SLC22A7: variants seen among roughly 807,000 people sequenced by gnomAD.
The protein encoded by SLC22A7 is solute carrier family 22 member 7.
SLC22A7 carries 48 observed loss-of-function variants against 62.2 expected under a neutral mutation model. That is an observed-to-expected ratio of 0.77 (90% CI 0.61 to 0.98). SLC22A7 has a LOEUF of 0.98. SLC22A7 is among the 50% of genes least tolerant of loss of function. SLC22A7 has a pLI of 0.00. For synonymous variants in SLC22A7, 276 were observed against 314.8 expected, an observed-to-expected ratio of 0.88 and a Z score of 1.30; for missense variants, 581 against 703.8, an observed-to-expected ratio of 0.83 and a Z score of 1.97.
Position 43,304,206 on chromosome 6 carries a change from A to C in SLC22A7, c.1554A>C (p.Ala518=), listed in dbSNP as rs1778861250. The change falls in exon 10 of 11, where the codon GCA becomes GCC. Residue 518 remains alanine (A), a synonymous_variant. Coordinates refer to ENST00000372585, the MANE Select transcript of SLC22A7 (RefSeq NM_153320.2). ...TCCTGCTGCCAGAGACGAGGCAGGCACAGCTGCCAGAGACCATCCAGGACG... is the reference window on the plus strand; with the variant it reads ...TCCTGCTGCCAGAGACGAGGCAGGCCCAGCTGCCAGAGACCATCCAGGACG... The part of the protein sequence containing the change: ...TALLLPETRQ[A]QLPETIQDVE... The C allele has an allele frequency of 6.3e-7, 1 of 1,586,818 alleles. No homozygotes were observed. Among genetic ancestry groups the C allele is most frequent in the Non-Finnish European group, 8.6e-7 (1 of 1,164,764 alleles).
At chr6:43,301,470 C>A in intron 6 of SLC22A7, 113 bp from the exon 7 acceptor site, 1 of 1,043,100 alleles carries the variant, frequency 9.6e-7, no homozygotes, top group South Asian at 1.5e-5. Context: ...TGAGCATCTC[C>A]ATCCCCACCA....
intron 5 of SLC22A7, among the ~76,000 whole-genome samples, chr6:43,300,930 A>C (rs1778719835): frequency 6.6e-6 from 1 of 152,152 alleles, no homozygotes; most frequent in South Asian, 2.1e-4. Context: ...GGGCCATTGC[A>C]CCCAGCCCAG....
intron 1 of SLC22A7, 148 bp downstream of exon 1, chr6:43,298,899 C>G (rs1778633069): frequency 7.9e-7 from 1 of 1,258,522 alleles, no homozygotes. Flanking sequence ...ATATAAGGCA[C>G]TTTTAGTTCA....
Position 43,302,312 on chromosome 6 carries a change from CT to C in SLC22A7, c.1175del (p.Leu392ArgfsTer31). ...FGAVELPSKL[L>X]VYLSVRYAGR... Reference sequence around the variant, plus strand: ...GGCTGTGGAACTGCCCTCCAAGCTGCTGGTCTACTTGTCGGTGCGCTACGCA... The same window carrying C: ...GGCTGTGGAACTGCCCTCCAAGCTGCGGTCTACTTGTCGGTGCGCTACGCA... On this transcript the variant is annotated frameshift_variant, in exon 8 of 11. Transcript: ENST00000372585. LOFTEE classifies it high-confidence loss of function. The surrounding 1 kb of genome is among the most constrained non-coding windows in gnomAD (Gnocchi z 5.0). 1 of 1,613,958 alleles carries C rather than the reference CT, an allele frequency of 6.2e-7. No individual in the cohort carries two copies. The highest frequency in any genetic ancestry group is 1.1e-5 in the South Asian group (1 of 91,068).
upstream of SLC22A7, among the ~76,000 whole-genome samples, chr6:43,296,585 T>G (rs1778569296): frequency 6.6e-6 from 1 of 152,218 alleles, no homozygotes; most frequent in Non-Finnish European, 1.5e-5. Flanking sequence ...TGGAGGTGTC[T>G]CCCCTTGAGC....
At chr6:43,301,765 T>C in intron 7 of SLC22A7, 73 bp downstream of exon 7, 2 of 1,078,254 alleles carry the variant, frequency 1.9e-6, no homozygotes, top group Non-Finnish European at 2.7e-6. Context: ...GTGCTGAGTG[T>C]GAGAAGGGCT....
Position 43,302,098 on chromosome 6 carries a change from CAGA to C in SLC22A7, c.1062-99_1062-97del. 3 of 1,061,818 alleles carry C rather than the reference CAGA, an allele frequency of 2.8e-6. No homozygotes were observed. The highest frequency in any genetic ancestry group is 2.3e-5 in the Admixed American group (1 of 43,484). 65.8% of individuals were successfully genotyped at this position (1,061,818 alleles called of 1,614,324 possible). ...GCGGGGGGACCGGGGGTTGCAGAGA[CAGA>C]AGGAGATTGCCCTTGTAAAATGCCA... On this transcript the variant is annotated intron_variant, in intron 7 of 10. Transcript: ENST00000372585. This position sits in a 1 kb window ranked among gnomAD's most constrained non-coding sequence, Gnocchi z 5.0.
At chr6:43,297,749 C>T (rs188226395), upstream of SLC22A7, among the ~76,000 whole-genome samples, 3 of 152,262 alleles carry the variant, frequency 2.0e-5, no homozygotes, top group Admixed American at 1.3e-4. Context: ...TCAAGTTGCC[C>T]GGTGTGATCA....
chr6:43,304,152 G>A lies in SLC22A7; in HGVS notation c.1500G>A (p.Gly500=), dbSNP rs1232645313. 1.2e-6 allele frequency: 2 copies of A among 1,605,490 alleles called. No individual in the cohort carries two copies. Among genetic ancestry groups the A allele is most frequent in the Non-Finnish European group, 1.7e-6 (2 of 1,174,606 alleles). ...WLSLPKLTYG[G]IALLAAGTAL... ...CACTGCCCAAGCTTACTTATGGGGG[G>A]ATCGCCCTGCTGGCTGCCGGCACCG... Residue 500 remains glycine, a synonymous_variant, in exon 10 of 11, where the codon GGG becomes GGA. Coordinates refer to ENST00000372585, the MANE Select transcript of SLC22A7 (RefSeq NM_153320.2).
chr6:43,302,842 C>A lies in SLC22A7; in HGVS notation c.1385+79C>A. 3 of 903,128 alleles carry A rather than the reference C, an allele frequency of 3.3e-6. No homozygotes were observed. The highest frequency in any genetic ancestry group is 3.1e-5 in the South Asian group (2 of 65,148). The allele number at this position is 903,128 out of a possible 1,614,324, so 55.9% of individuals were successfully genotyped here. A position where few individuals can be genotyped will look rare whatever the true frequency, so the allele number is the denominator to read the frequency against. On this transcript the variant is annotated intron_variant, in intron 9 of 10. Transcript: ENST00000372585. This position sits in a 1 kb window ranked among gnomAD's most constrained non-coding sequence, Gnocchi z 5.0. ...TAACCAACACTTCTACATACACGCA[C>A]CACAACCTGGTCTCTCACTCATTTT...
rs1778654311 is a variant in SLC22A7, at chr6:43,299,415, G to T, written c.425G>T (p.Gly142Val). The T allele has an allele frequency of 1.2e-6, 2 of 1,614,196 alleles. No homozygotes were observed. Among genetic ancestry groups the T allele is most frequent in the Non-Finnish European group, 8.5e-7 (1 of 1,180,020 alleles). Residue 142 changes from glycine (G) to valine (V), a missense_variant, in exon 3 of 11, where the codon GGT becomes GTT. Coordinates refer to ENST00000372585, the MANE Select transcript of SLC22A7 (RefSeq NM_153320.2). The surrounding 1 kb of genome is among the most constrained non-coding windows in gnomAD (Gnocchi z 4.4). ...SQWDLVCEQKGLNRAASTFFF... is the reference protein window; with the variant it reads ...SQWDLVCEQKVLNRAASTFFF... ...TGGGATCTGGTGTGTGAGCAGAAAG[G>T]TCTGAACAGAGCTGCGTCCACTTTC...
chr6:43,301,508 G>C (rs530772092), intron 6 of SLC22A7, 75 bp from the exon 7 acceptor site: 7 of 1,212,130 alleles, frequency 5.8e-6, no homozygotes, highest in South Asian at 2.6e-5. Context: ...AGAGAGGGGT[G>C]GGGGGAGAGT....
rs1778803202 is a variant in SLC22A7 at position 43,302,833 on chromosome 6, A to G, written c.1385+70A>G. On this transcript the variant is annotated intron_variant, in intron 9 of 10. Coordinates refer to ENST00000372585, the MANE Select transcript of SLC22A7 (RefSeq NM_153320.2). The surrounding 1 kb of genome is among the most constrained non-coding windows in gnomAD (Gnocchi z 5.0). ...CACGTGTCTTAACCAACACTTCTAC[A>G]TACACGCACCACAACCTGGTCTCTC... 1 of 987,248 alleles carries G rather than the reference A, an allele frequency of 1.0e-6. No homozygotes were observed. Among genetic ancestry groups the G allele is most frequent in the South Asian group, 1.4e-5 (1 of 71,094 alleles). The allele number at this position is 987,248 out of a possible 1,614,324, so 61.2% of individuals were successfully genotyped here.
chr6:43,302,587 C>T lies in SLC22A7; in HGVS notation c.1277-68C>T, dbSNP rs868014553. ...AGTTTGGCCCACTCTGGAGACTCCGCACCCTATCCAGAACACCCCTGGCTC... is the reference window on the plus strand; with the variant it reads ...AGTTTGGCCCACTCTGGAGACTCCGTACCCTATCCAGAACACCCCTGGCTC... On this transcript the variant is annotated intron_variant, in intron 8 of 10. Coordinates refer to ENST00000372585, the MANE Select transcript of SLC22A7 (RefSeq NM_153320.2). The surrounding 1 kb of genome is among the most constrained non-coding windows in gnomAD (Gnocchi z 5.0). 9.1e-5 allele frequency: 119 copies of T among 1,301,234 alleles called. No homozygotes were observed. Among genetic ancestry groups the T allele is most frequent in the Non-Finnish European group, 1.1e-4 (105 of 923,304 alleles). 80.6% of individuals were successfully genotyped at this position (1,301,234 alleles called of 1,614,324 possible).
At chr6:43,301,982 T>C (rs1348751310) in intron 7 of SLC22A7, among the ~76,000 whole-genome samples, 2 of 152,294 alleles carry the variant, frequency 1.3e-5, no homozygotes, top group African/African-American at 2.4e-5. Flanking sequence ...GTCAGTTCCA[T>C]GTCAGGGTTG....
In SLC22A7 at chr6:43,299,044, A is replaced by G. The variant is rs1366441127; in HGVS notation, c.394-48A>G. The G allele has an allele frequency of 6.6e-7, 1 of 1,518,806 alleles. No homozygotes were observed. Among genetic ancestry groups the G allele is most frequent in the African/African-American group, 1.4e-5 (1 of 72,020 alleles). 94.1% of individuals were successfully genotyped at this position (1,518,806 alleles called of 1,614,324 possible). A position where few individuals can be genotyped will look rare whatever the true frequency, so the allele number is the denominator to read the frequency against. ...CTGAGAAGGCAATTTCTGCAGCAAG[A>G]GGTGGAGAAACAATAGAGGCCTTCT... On this transcript the variant is annotated intron_variant, in intron 1 of 10. Transcript: ENST00000372585. The surrounding 1 kb of genome is among the most constrained non-coding windows in gnomAD (Gnocchi z 4.4).
chr6:43,303,125 AC>A, intron 9 of SLC22A7: 1 of 985,332 alleles, frequency 1.0e-6, no homozygotes, highest in Non-Finnish European at 1.2e-6. Context: ...GTACTATGTG[AC>A]CCTGAGCCAC....
At chr6:43,296,552 C>T (rs757977306), upstream of SLC22A7, among the ~76,000 whole-genome samples, 2 of 152,238 alleles carry the variant, frequency 1.3e-5, no homozygotes, top group African/African-American at 2.4e-5. Flanking sequence ...TGTGAGGTCA[C>T]ACGTGAGTGA....
rs766843927 is a variant in SLC22A7 at position 43,299,908 on chromosome 6, G to C, written c.669G>C (p.Trp223Cys). The C allele has an allele frequency of 6.2e-7, 1 of 1,614,158 alleles. No homozygotes were observed. The highest frequency in any genetic ancestry group is 8.5e-7 in the Non-Finnish European group (1 of 1,180,020). The change falls in exon 5 of 11, where the codon TGG becomes TGC. Residue 223 changes from tryptophan to cysteine, a missense_variant. Physicochemically the swap from Trp to Cys is radical, Grantham distance 215 (BLOSUM62 -2). Transcript: ENST00000372585. The surrounding 1 kb of genome is among the most constrained non-coding windows in gnomAD (Gnocchi z 4.4). Reference protein sequence around the residue: ...TIIVMPLELEWLDVEHRTVAG... With the variant: ...TIIVMPLELECLDVEHRTVAG... The stretch of plus-strand genomic sequence containing the variant: ...CCTGTCCTGGCCCAGAGCTGGAGTG[G>C]CTGGATGTGGAGCACCGCACCGTGG...
Sources: gnomAD v4.1 joint callset for allele counts (sites outside exome capture counted in the v4.1 genomes callset) on GRCh38, gnomAD v4.1.1 for gene constraint, Gnocchi (gnomAD v3.1) non-coding constraint, MANE v1.5 for transcripts, NCBI Gene and HGNC (gene_info 2026-07-23, HGNC 2026-07-21) for gene names.